The following MIS18BP1 variants were observed in gnomAD, a reference collection of about 807,000 sequenced individuals.
MIS18BP1 encodes mis18-binding protein 1.
Under a neutral mutation model 116.1 loss-of-function variants are expected in MIS18BP1, and 72 were observed. The ratio of observed to expected loss-of-function variants is 0.62; its 90% CI spans 0.51 to 0.75. The LOEUF (loss-of-function observed/expected upper bound fraction) is 0.75. Among genes scored for constraint, MIS18BP1 ranks in the 30% least tolerant of loss-of-function variants. The pLI is 0.00. For missense variants in MIS18BP1, 1,363 were observed against 1,303.2 expected, an observed-to-expected ratio of 1.05 and a Z score of -0.71; for synonymous variants, 386 against 427.0, an observed-to-expected ratio of 0.90 and a Z score of 1.18.
chr14:45,227,571 C>A, intron 9 of MIS18BP1, 92 bp downstream of exon 9: 100 of 852,424 alleles, frequency 1.2e-4, no homozygotes, highest in Non-Finnish European at 1.6e-4. Flanking sequence ...AAAAACAGAA[C>A]TCACGTCCCT....
chr14:45,226,816 TTC>T lies in MIS18BP1; in HGVS notation c.1765_1766del (p.Glu589IlefsTer2), dbSNP rs1486886002. 1.4e-6 allele frequency: 2 copies of T among 1,397,084 alleles called. No individual in the cohort carries two copies. Among genetic ancestry groups the T allele is most frequent in the Non-Finnish European group, 9.5e-7 (1 of 1,053,028 alleles). The allele number at this position is 1,397,084 out of a possible 1,614,324, so 86.5% of individuals were successfully genotyped here. ...LSNQELIGKK[E>X]YKMSSKKLKI... ...TTAGTTTCTTTGAAGACATTTTATA[TTC>T]TTTTTTTCCAATTAATTCCTTCAAA... On this transcript the variant is annotated frameshift_variant, in exon 10 of 17. Coordinates refer to ENST00000310806, the MANE Select transcript of MIS18BP1 (RefSeq NM_018353.5). LOFTEE classifies it high-confidence loss of function.
intron 7 of MIS18BP1, among the ~76,000 whole-genome samples, chr14:45,232,057 T>TA (rs1240829815): frequency 6.6e-6 from 1 of 152,196 alleles, no homozygotes; most frequent in Non-Finnish European, 1.5e-5. Flanking sequence ...ATTTACTAAA[T>TA]ACAACAGAAG....
rs112368849 is a variant in MIS18BP1 at position 45,211,718 on chromosome 14, A to C, written c.3004-1190T>G. 7.8e-3 allele frequency among the ~76,000 whole-genome samples: 1,181 copies of C among 152,278 alleles called. 26 individuals carry two copies. The highest frequency in any genetic ancestry group is 0.027 in the African/African-American group (1,121 of 41,562). ...TTCACAGGAGGCTCCAGACACACCT[A>C]TCTGATCTTCTGTTGGATAGGGCCA... On this transcript the variant is annotated intron_variant, in intron 13 of 16. Coordinates refer to ENST00000310806, the MANE Select transcript of MIS18BP1 (RefSeq NM_018353.5).
intron 1 of MIS18BP1, among the ~76,000 whole-genome samples, chr14:45,252,121 TGAGA>T (rs1566826517): frequency 6.6e-6 from 1 of 152,070 alleles, no homozygotes; most frequent in African/African-American, 2.4e-5. Flanking sequence ...TGACAATAAG[TGAGA>T]AAGAGGAACC....
At chr14:45,220,471 C>T (rs1188768060) in intron 11 of MIS18BP1, among the ~76,000 whole-genome samples, 7 of 152,120 alleles carry the variant, frequency 4.6e-5, no homozygotes. Flanking sequence ...GTAGATTCCT[C>T]ATGAATGATT....
At chr14:45,242,549 A>G (rs1277342821) in intron 3 of MIS18BP1, 31 bp from the exon 4 acceptor site, 6 of 1,545,930 alleles carry the variant, frequency 3.9e-6, no homozygotes, top group Non-Finnish European at 4.3e-6. Flanking sequence ...AACAAAACAA[A>G]ACAATTATAG....
intron 5 of MIS18BP1, 55 bp downstream of exon 5, chr14:45,237,593 A>C: frequency 6.4e-7 from 1 of 1,554,062 alleles, no homozygotes; most frequent in Non-Finnish European, 8.7e-7. Context: ...TTAACTCTTA[A>C]GTGCTTACAC....
intron 10 of MIS18BP1, 23 bp from the exon 11 acceptor site, chr14:45,224,769 C>A: frequency 2.0e-6 from 3 of 1,477,260 alleles, no homozygotes; most frequent in Non-Finnish European, 2.7e-6. Flanking sequence ...AAGACAAAAC[C>A]AAAGACCAAA....
Position 45,242,258 on chromosome 14 carries a change from CACT to C in MIS18BP1, c.916_918del (p.Ser306del). 1 of 1,614,076 alleles carries C rather than the reference CACT, an allele frequency of 6.2e-7. No individual in the cohort carries two copies. The highest frequency in any genetic ancestry group is 1.1e-5 in the South Asian group (1 of 91,074). On this transcript the variant is annotated inframe_deletion, in exon 4 of 17. Coordinates refer to ENST00000310806, the MANE Select transcript of MIS18BP1 (RefSeq NM_018353.5). ...TGCGAAGTCCCTTCTGTTGTCCTCT[CACT>C]ATCAGAAACCATTAACAGGCTGCCA...
At chr14:45,240,630 TAGCAGCTGG>T (rs1356712645) in intron 4 of MIS18BP1, among the ~76,000 whole-genome samples, 1 of 152,082 alleles carries the variant, frequency 6.6e-6, no homozygotes, top group African/African-American at 2.4e-5. Context: ...AAAAGTAGTG[TAGCAGCTGG>T]AGTTGGACAG....
At position 45,224,500 on chromosome 14, in the gene MIS18BP1, A is replaced by G; in HGVS notation, c.2087T>C (p.Met696Thr). The change falls in exon 11 of 17, where the codon ATG becomes ACG. Residue 696 changes from methionine (M) to threonine (T), a missense_variant. Met to Thr is a moderately conservative substitution (Grantham distance 81). Coordinates refer to ENST00000310806, the MANE Select transcript of MIS18BP1 (RefSeq NM_018353.5). ...TTCAAATGTATTTTCTAAAGTCCCC[A>G]TGGACTTGCTGATGGGACTTTTTTT... ...CQKKSPISKS[M>T]GTLENTFEGH... 6.2e-7 allele frequency: 1 copy of G among 1,612,418 alleles called. No homozygotes were observed. Among genetic ancestry groups the G allele is most frequent in the Non-Finnish European group, 8.5e-7 (1 of 1,179,540 alleles).
intron 1 of MIS18BP1, among the ~76,000 whole-genome samples, chr14:45,252,462 C>A (rs759589346): frequency 3.3e-5 from 5 of 151,978 alleles, no homozygotes; most frequent in Non-Finnish European, 5.9e-5. Flanking sequence ...AGCGGTGAAC[C>A]AAATTGTAAA....
At chr14:45,234,222 C>G (rs1261544447) in intron 6 of MIS18BP1, among the ~76,000 whole-genome samples, 4 of 136,526 alleles carry the variant, frequency 2.9e-5, no homozygotes, top group Non-Finnish European at 6.3e-5. Flanking sequence ...AAAGAGAATT[C>G]AAGAAAAAAA....
At chr14:45,228,406 T>G (rs1891185357) in intron 8 of MIS18BP1, among the ~76,000 whole-genome samples, 1 of 152,222 alleles carries the variant, frequency 6.6e-6, no homozygotes, top group Non-Finnish European at 1.5e-5. Flanking sequence ...TAATCCATTT[T>G]GTAAATAAAA....
intron 14 of MIS18BP1, among the ~76,000 whole-genome samples, chr14:45,207,023 A>G (rs1335672565): frequency 6.6e-6 from 1 of 152,116 alleles, no homozygotes; most frequent in Non-Finnish European, 1.5e-5. Flanking sequence ...ACCAACCACC[A>G]AATTTTTTTT....
intron 11 of MIS18BP1, among the ~76,000 whole-genome samples, chr14:45,220,723 T>G (rs1209693620): frequency 1.3e-5 from 2 of 152,212 alleles, no homozygotes; most frequent in African/African-American, 4.8e-5. Context: ...AATTTGTTTA[T>G]GTAGAAAGTA....
In MIS18BP1 at chr14:45,227,359, T is replaced by C. The variant is rs191961540; in HGVS notation, c.1746+304A>G. Among the ~76,000 whole-genome samples the C allele has an allele frequency of 2.3e-3, 344 of 151,818 alleles. 7 individuals are homozygous for C. Among genetic ancestry groups the C allele is most frequent in the Admixed American group, 0.02 (306 of 15,248 alleles). On this transcript the variant is annotated intron_variant, in intron 9 of 16. Transcript: ENST00000310806. Reference sequence around the variant, plus strand: ...CCGTTACTACTAAAAATACAAAAATTAGCCAGGCGTGGTGGTGCATGCCTG... The same window carrying C: ...CCGTTACTACTAAAAATACAAAAATCAGCCAGGCGTGGTGGTGCATGCCTG...
chr14:45,227,475 G>A (rs780612604), intron 9 of MIS18BP1, among the ~76,000 whole-genome samples, 188 bp downstream of exon 9: 1 of 151,054 alleles, frequency 6.6e-6, no homozygotes, highest in Admixed American at 6.6e-5. Context: ...AACCCAGGAG[G>A]CAGAGGGTGC....
At chr14:45,222,205 T>C (rs1890994187) in intron 11 of MIS18BP1, among the ~76,000 whole-genome samples, 1 of 152,232 alleles carries the variant, frequency 6.6e-6, no homozygotes, top group African/African-American at 2.4e-5. Context: ...TGTCTTTTAA[T>C]TGGTATGTTT....
Sources: allele counts gnomAD v4.1 joint callset (sites outside exome capture counted in the v4.1 genomes callset), GRCh38; gene constraint gnomAD v4.1.1; transcripts MANE v1.5; gene names NCBI Gene and HGNC (gene_info 2026-07-23, HGNC 2026-07-21).